ASNS: variants seen among roughly 807,000 people sequenced by gnomAD.
ASNS encodes the protein asparagine synthetase [glutamine-hydrolyzing].
A neutral mutation model predicts 62.6 loss-of-function variants in ASNS; 37 were observed. The observed-to-expected ratio is 0.59, with a 90% CI of 0.45 to 0.78. The LOEUF (loss-of-function observed/expected upper bound fraction) is 0.78. ASNS is among the 30% of genes least tolerant of loss of function. The pLI, the probability that ASNS is intolerant of heterozygous loss-of-function variation, is 0.00. For synonymous variants in ASNS, 207 were observed against 237.9 expected (o/e 0.87, Z 1.19); for missense variants, 520 against 682.4 (o/e 0.76, Z 2.65).
chr7:97,867,866 A>T (rs1792049800), intron 3 of ASNS, among the ~76,000 whole-genome samples: 1 of 152,238 alleles, frequency 6.6e-6, no homozygotes, highest in Admixed American at 6.5e-5. Flanking sequence ...CAGGCAACAA[A>T]CAATGACAAA....
the ASNS span, among the ~76,000 whole-genome samples, chr7:97,902,739 A>G: frequency 8.5e-5 from 13 of 152,088 alleles, no homozygotes; most frequent in Non-Finnish European, 1.5e-5. Context: ...AACAACAACA[A>G]CAACAAAAAA....
At chr7:97,866,127 T>G (rs1791956058) in intron 3 of ASNS, among the ~76,000 whole-genome samples, 2 of 152,188 alleles carry the variant, frequency 1.3e-5, no homozygotes, top group South Asian at 4.1e-4. Flanking sequence ...AAAACGTGTC[T>G]TTTGCAACTA....
intron 6 of ASNS, 65 bp downstream of exon 6, chr7:97,858,789 A>T: frequency 7.0e-7 from 1 of 1,424,570 alleles, no homozygotes; most frequent in Non-Finnish European, 9.7e-7. Flanking sequence ...AACCAAAGGG[A>T]TGGCTACAAA....
chr7:97,852,690 T>C (rs1364118070), intron 12 of ASNS, among the ~76,000 whole-genome samples: 1 of 152,236 alleles, frequency 6.6e-6, no homozygotes, highest in African/African-American at 2.4e-5. Context: ...TTGGTGGCTC[T>C]GTTTTAGTCA....
the ASNS span, among the ~76,000 whole-genome samples, chr7:97,900,461 T>C: frequency 6.6e-6 from 1 of 151,596 alleles, no homozygotes; most frequent in African/African-American, 2.4e-5. Context: ...TAAAATGGTG[T>C]AGCCACTGTG....
intron 1 of ASNS, chr7:97,871,614 A>G (rs996161999): frequency 3.9e-5 from 6 of 152,552 alleles, no homozygotes; most frequent in African/African-American, 7.2e-5. Flanking sequence ...ATTTAAAGCT[A>G]TAACAATCAT....
At chr7:97,924,180 G>A in the ASNS span, among the ~76,000 whole-genome samples, 3 of 152,108 alleles carry the variant, frequency 2.0e-5, no homozygotes, top group South Asian at 2.1e-4. Context: ...CTCTGGAGGG[G>A]CTTGAAATGT....
Position 97,856,779 on chromosome 7 carries a change from A to G in ASNS, c.941T>C (p.Leu314Pro). The G allele has an allele frequency of 1.2e-6, 2 of 1,612,568 alleles. No individual in the cohort carries two copies. The highest frequency in any genetic ancestry group is 1.7e-6 in the Non-Finnish European group (2 of 1,178,964). Residue 314 changes from leucine (L) to proline (P), a missense_variant, in exon 8 of 13, where the codon CTT (leucine) becomes CCT (proline). Physicochemically the swap from Leu to Pro is moderately conservative, Grantham distance 98. Transcript: ENST00000394308. ...DHIGSEHYEV[L>P]FNSEEGIQAL... The stretch of plus-strand genomic sequence containing the variant: ...CTGAATGCCTTCCTCAGAGTTAAAA[A>G]GGACTTCATAATGTTCACTTCCAAT...
At chr7:97,898,419 C>G in the ASNS span, 4 of 515,990 alleles carry the variant, frequency 7.8e-6, no homozygotes, top group Admixed American at 1.1e-4. Context: ...AGTGGGTTTT[C>G]CAGAACTACT....
chr7:97,881,021 A>G, the ASNS span, among the ~76,000 whole-genome samples: 2 of 152,010 alleles, frequency 1.3e-5, no homozygotes, highest in African/African-American at 4.8e-5. Context: ...GCTCACTGCT[A>G]CCTCTGTCTC....
At chr7:97,898,950 C>A in the ASNS span, 4 of 963,936 alleles carry the variant, frequency 4.1e-6, no homozygotes, top group Non-Finnish European at 6.6e-6. Flanking sequence ...CCATCAGATG[C>A]AATTTGGGTT....
At chr7:97,897,277 T>C in the ASNS span, among the ~76,000 whole-genome samples, 1 of 152,132 alleles carries the variant, frequency 6.6e-6, no homozygotes, top group African/African-American at 2.4e-5. Context: ...GACTTAAATG[T>C]AAAACCCATA....
rs143327753 is a variant in ASNS, at chr7:97,865,158, A to G, written c.250-662T>C. Among the ~76,000 whole-genome samples, 206 of 152,340 alleles carry G rather than the reference A, an allele frequency of 1.4e-3. 3 individuals are homozygous for G. The South Asian group carries it at 0.033, about 25-fold the overall frequency. On this transcript the variant is annotated intron_variant, in intron 3 of 12. Transcript: ENST00000394308. ...TGAATTTATTATGCTGCTGATGAGCAATCATTTTCATATGCTTATAAAATA... is the reference window on the plus strand; with the variant it reads ...TGAATTTATTATGCTGCTGATGAGCGATCATTTTCATATGCTTATAAAATA...
chr7:97,881,165 C>A, the ASNS span, among the ~76,000 whole-genome samples: 2 of 152,208 alleles, frequency 1.3e-5, no homozygotes, highest in Non-Finnish European at 2.9e-5. Context: ...AGGTCTCGAA[C>A]TCCCAGCCTC....
the ASNS span, among the ~76,000 whole-genome samples, chr7:97,893,574 C>T: frequency 1.3e-5 from 2 of 152,168 alleles, no homozygotes; most frequent in Non-Finnish European, 2.9e-5. Context: ...TCAGGAGTAG[C>T]TAAACTTACA....
the ASNS span, among the ~76,000 whole-genome samples, chr7:97,907,985 A>C: frequency 1.3e-5 from 2 of 152,204 alleles, no homozygotes; most frequent in Non-Finnish European, 2.9e-5. Context: ...CAAGAAATTA[A>C]AAAATAAGCA....
the ASNS span, among the ~76,000 whole-genome samples, chr7:97,883,345 C>A: frequency 1.2e-4 from 19 of 152,188 alleles, 1 homozygote; most frequent in South Asian, 3.3e-3. Flanking sequence ...CACAAAGGGA[C>A]CTCAAGTAAC....
At position 97,855,370 on chromosome 7, in the gene ASNS, A is replaced by C. The variant is rs1791384276; in HGVS notation, c.1120T>G (p.Tyr374Asp). ...GEGSDELTQG[Y>D]IYFHKAPSPE... ...GTGGTTACCTTGTGAAAATATATGT[A>C]ACCCTGCGTAAGTTCATCTGATCCT... The change falls in exon 9 of 13, where the codon TAC becomes GAC. Residue 374 changes from tyrosine (Y) to aspartate (D), a missense_variant. Tyr to Asp is a radical substitution (Grantham distance 160, BLOSUM62 -3). Coordinates refer to ENST00000394308, the MANE Select transcript of ASNS (RefSeq NM_001673.5). 1 of 1,612,080 alleles carries C rather than the reference A, an allele frequency of 6.2e-7. No homozygotes were observed. The highest frequency in any genetic ancestry group is 1.3e-5 in the African/African-American group (1 of 74,918).
At position 97,852,219 on chromosome 7, in the gene ASNS, C is replaced by A. The variant is rs371278355; in HGVS notation, c.*40G>T. ...ATCTACCCACAGTCCCCATCCAACA[C>A]GAAGAAATATTTGCTTTCACATTAC... On this transcript the variant is annotated 3_prime_UTR_variant, in exon 13 of 13. Coordinates refer to ENST00000394308, the MANE Select transcript of ASNS (RefSeq NM_001673.5). 26 of 1,604,078 alleles carry A rather than the reference C, an allele frequency of 1.6e-5. No homozygotes were observed. The highest frequency in any genetic ancestry group is 2.2e-5 in the Non-Finnish European group (26 of 1,173,502).
Sources: allele counts gnomAD v4.1 joint callset (sites outside exome capture counted in the v4.1 genomes callset), GRCh38; gene constraint gnomAD v4.1.1; transcripts MANE v1.5; gene names NCBI Gene and HGNC (gene_info 2026-07-23, HGNC 2026-07-21).